NEURL1: variants seen among roughly 807,000 people sequenced by gnomAD.
NEURL1 encodes the protein neuralized E3 ubiquitin protein ligase 1.
In NEURL1, 26 loss-of-function variants were observed where a neutral mutation model predicts 41.2. That is an observed-to-expected ratio of 0.63 (90% CI 0.46 to 0.87). The LOEUF (loss-of-function observed/expected upper bound fraction) is 0.87. Ranked by LOEUF, NEURL1 falls within the 40% of genes least tolerant of loss-of-function variation. NEURL1 has a pLI of 0.00. For synonymous variants in NEURL1, 400 were observed against 402.3 expected (o/e 0.99, Z 0.07); for missense variants, 761 against 871.1 (o/e 0.87, Z 1.59).
At chr10:103,501,994 C>T (rs112814231) in intron 1 of NEURL1, among the ~76,000 whole-genome samples, 291 of 152,244 alleles carry the variant, frequency 1.9e-3, no homozygotes, top group Admixed American at 3.0e-3. Flanking sequence ...TTCAAACTCC[C>T]GGGCTCAAGC....
intron 1 of NEURL1, among the ~76,000 whole-genome samples, chr10:103,553,631 C>A (rs761686927): frequency 2.6e-5 from 4 of 152,212 alleles, no homozygotes; most frequent in Non-Finnish European, 5.9e-5. Context: ...TTCCCCAGAC[C>A]CACTCAGAAG....
chr10:103,576,806 C>G (rs930086162), intron 3 of NEURL1, among the ~76,000 whole-genome samples: 3 of 152,168 alleles, frequency 2.0e-5, no homozygotes, highest in Non-Finnish European at 2.9e-5. Context: ...AAGACCCACG[C>G]CTGCCTACTG....
chr10:103,580,616 T>G (rs1405727585), intron 3 of NEURL1, among the ~76,000 whole-genome samples: 1 of 152,170 alleles, frequency 6.6e-6, no homozygotes, highest in Non-Finnish European at 1.5e-5. Flanking sequence ...TTTCATCTAT[T>G]TCAGGGCTTC....
chr10:103,534,416 AG>A (rs2034648854), intron 1 of NEURL1, among the ~76,000 whole-genome samples: 1 of 152,106 alleles, frequency 6.6e-6, no homozygotes, highest in Non-Finnish European at 1.5e-5. Context: ...TTGTAGAGAA[AG>A]GTTTTCATCT....
At chr10:103,557,482 C>T (rs1420770138) in intron 1 of NEURL1, among the ~76,000 whole-genome samples, 1 of 152,128 alleles carries the variant, frequency 6.6e-6, no homozygotes, top group Non-Finnish European at 1.5e-5. Flanking sequence ...TCAGTGAGCG[C>T]TCATCAAATG....
Position 103,494,139 on chromosome 10 carries a change from C to T in NEURL1, c.-249C>T, listed in dbSNP as rs1171524487. 2 of 415,862 alleles carry T rather than the reference C, an allele frequency of 4.8e-6. No homozygotes were observed. The highest frequency in any genetic ancestry group is 8.5e-6 in the Non-Finnish European group (2 of 234,268). 25.8% of individuals were successfully genotyped at this position (415,862 alleles called of 1,614,324 possible). A position where few individuals can be genotyped will look rare whatever the true frequency, so the allele number is the denominator to read the frequency against. On this transcript the variant is annotated 5_prime_UTR_variant, in exon 1 of 6. Transcript: ENST00000369780. ...CAGGGCCCTGCTTGTGGCCCCCGCT[C>T]CCGCCACGGGGCATGGGAGGCAGGT...
rs1592211329 is a variant in NEURL1 at position 103,545,238 on chromosome 10, A to T, written c.86-25634A>T. 6.6e-6 allele frequency among the ~76,000 whole-genome samples: 1 copy of T among 152,190 alleles called. No homozygotes were observed. Among genetic ancestry groups the T allele is most frequent in the South Asian group, 2.1e-4 (1 of 4,822 alleles). ...CTTGGGCTGTCCTTTGTGCAGGAAT[A>T]CCACAGTCCTGACAGCCACCTTTGG... On this transcript the variant is annotated intron_variant, in intron 1 of 5. Coordinates refer to ENST00000369780, the MANE Select transcript of NEURL1 (RefSeq NM_004210.5). This position sits in a 1 kb window ranked among gnomAD's most constrained non-coding sequence, Gnocchi z 4.5.
intron 1 of NEURL1, among the ~76,000 whole-genome samples, chr10:103,529,397 C>T (rs1219469331): frequency 1.3e-5 from 2 of 152,176 alleles, no homozygotes; most frequent in African/African-American, 4.8e-5. Flanking sequence ...CTTGGGGCTC[C>T]TAAGCCTGCC....
chr10:103,526,479 G>A (rs2034461101), intron 1 of NEURL1, among the ~76,000 whole-genome samples: 1 of 151,830 alleles, frequency 6.6e-6, no homozygotes, highest in Non-Finnish European at 1.5e-5. Flanking sequence ...CATGTGTCCA[G>A]GAATTTCTCA....
Position 103,590,309 on chromosome 10 carries a change from C to G in NEURL1, c.1662C>G (p.His554Gln). 4.3e-6 allele frequency: 7 copies of G among 1,614,142 alleles called. No homozygotes were observed. The highest frequency in any genetic ancestry group is 5.9e-6 in the Non-Finnish European group (7 of 1,180,022). ...ACGLRLKKAL[H>Q]ACCPICRRPI... ...GCCTGCGCCTCAAGAAGGCTCTGCA[C>G]GCCTGCTGCCCCATCTGCCGCCGCC... Residue 554 changes from histidine to glutamine, a missense_variant, in exon 6 of 6, where the codon CAC becomes CAG. His to Gln is a conservative substitution (Grantham distance 24, BLOSUM62 0). Coordinates refer to ENST00000369780, the MANE Select transcript of NEURL1 (RefSeq NM_004210.5).
chr10:103,540,785 G>A (rs2034805226), intron 1 of NEURL1, among the ~76,000 whole-genome samples: 1 of 152,164 alleles, frequency 6.6e-6, no homozygotes, highest in Admixed American at 6.5e-5. Flanking sequence ...ATATTCCATT[G>A]GGGCGAAGTG....
chr10:103,540,662 A>G (rs2034802488), intron 1 of NEURL1, among the ~76,000 whole-genome samples: 1 of 148,094 alleles, frequency 6.8e-6, no homozygotes, highest in South Asian at 2.2e-4. Flanking sequence ...CTTGTGCTTA[A>G]TGTCATTATC....
chr10:103,529,267 T>A (rs527727144), intron 1 of NEURL1, among the ~76,000 whole-genome samples: 1 of 152,362 alleles, frequency 6.6e-6, no homozygotes, highest in East Asian at 1.9e-4. Flanking sequence ...TTGATGGATC[T>A]TTGTTCGATA....
In NEURL1 at chr10:103,585,189, G is replaced by C; in HGVS notation, c.1303G>C (p.Gly435Arg). ...DASQPLWMLFGLHGTITQIRI... is the reference protein window; with the variant it reads ...DASQPLWMLFRLHGTITQIRI... ...CTCGCAGCCGCTTTGGATGCTCTTC[G>C]GCCTGCACGGGACCATCACGCAGAT... Residue 435 changes from glycine to arginine, a missense_variant, in exon 4 of 6, where the codon GGC (glycine) becomes CGC (arginine). Coordinates refer to ENST00000369780, the MANE Select transcript of NEURL1 (RefSeq NM_004210.5). 1.3e-6 allele frequency: 2 copies of C among 1,577,326 alleles called. No individual in the cohort carries two copies. Among genetic ancestry groups the C allele is most frequent in the Admixed American group, 1.7e-5 (1 of 58,400 alleles).
chr10:103,522,963 T>C (rs75998421), intron 1 of NEURL1, among the ~76,000 whole-genome samples: 345 of 152,300 alleles, frequency 2.3e-3, no homozygotes, highest in African/African-American at 8.0e-3. Context: ...CTTGCCTGTA[T>C]ATAATTTGAC....
chr10:103,515,712 G>A (rs2034189513), intron 1 of NEURL1, among the ~76,000 whole-genome samples: 2 of 152,218 alleles, frequency 1.3e-5, no homozygotes, highest in African/African-American at 4.8e-5. Flanking sequence ...ATGAACTAGT[G>A]TCCACACAGA....
chr10:103,590,203 A>T lies in NEURL1; in HGVS notation c.1556A>T (p.Asp519Val), dbSNP rs774483194. The T allele has an allele frequency of 1.1e-5, 17 of 1,614,064 alleles. No homozygotes were observed. The highest frequency in any genetic ancestry group is 1.4e-5 in the Non-Finnish European group (16 of 1,180,036). Residue 519 changes from aspartate to valine, a missense_variant, in exon 6 of 6, where the codon GAT becomes GTT. Physicochemically the swap from Asp to Val is radical, Grantham distance 152. Coordinates refer to ENST00000369780, the MANE Select transcript of NEURL1 (RefSeq NM_004210.5). ...PVTPGLGQWSDECTICYEHAV... is the reference protein window; with the variant it reads ...PVTPGLGQWSVECTICYEHAV... ...ACCCCAGGTCTGGGCCAGTGGAGCG[A>T]TGAGTGCACCATTTGCTATGAACAC...
intron 1 of NEURL1, among the ~76,000 whole-genome samples, chr10:103,554,089 A>G (rs2035092140): frequency 6.6e-6 from 1 of 152,236 alleles, no homozygotes; most frequent in Non-Finnish European, 1.5e-5. Flanking sequence ...TTCCTGGTGC[A>G]CGGTGCATGC....
At chr10:103,557,580 C>T (rs549324208) in intron 1 of NEURL1, among the ~76,000 whole-genome samples, 4 of 152,334 alleles carry the variant, frequency 2.6e-5, no homozygotes, top group Admixed American at 1.3e-4. Flanking sequence ...TTTGCCATTG[C>T]ACAAGCAGAG....
Sources: allele counts gnomAD v4.1 joint callset (sites outside exome capture counted in the v4.1 genomes callset), GRCh38; gene constraint gnomAD v4.1.1; non-coding constraint Gnocchi (gnomAD v3.1); transcripts MANE v1.5; gene names NCBI Gene and HGNC (gene_info 2026-07-23, HGNC 2026-07-21).